DLGAP4: variants seen among roughly 807,000 people sequenced by gnomAD.
DLGAP4 encodes disks large-associated protein 4.
DLGAP4 carries 18 observed loss-of-function variants against 86.9 expected under a neutral mutation model. That is an observed-to-expected ratio of 0.21 (90% CI 0.14 to 0.31). The LOEUF is 0.31. Ranked by LOEUF, DLGAP4 falls within the 10% of genes least tolerant of loss-of-function variation. The probability of loss-of-function intolerance (pLI) is 1.00; values close to 1 mark genes in which losing one functional copy is unlikely to be tolerated. For synonymous variants in DLGAP4, 548 were observed against 574.3 expected (o/e 0.95, Z 0.65); for missense variants, 1,085 against 1,362.6 (o/e 0.80, Z 3.21).
At chr20:36,453,686 A>G (rs1335711856) in intron 7 of DLGAP4, among the ~76,000 whole-genome samples, 2 of 151,894 alleles carry the variant, frequency 1.3e-5, no homozygotes, top group Admixed American at 1.3e-4. Context: ...TAATCCCAAC[A>G]CTTTGGGAAG....
At chr20:36,508,422 C>CTTTTTTTTTTTTTT (rs745815364) in intron 10 of DLGAP4, 12 of 94,468 alleles carry the variant, frequency 1.3e-4, no homozygotes, top group African/African-American at 4.7e-4. Context: ...TTTCAGGGTT[C>CTTTTTTTTTTTTTT]TTTTTTTTTT....
chr20:36,373,960 G>A (rs1170564997), intron 2 of DLGAP4, among the ~76,000 whole-genome samples: 3 of 150,160 alleles, frequency 2.0e-5, no homozygotes, highest in Non-Finnish European at 4.4e-5. Context: ...TCGCTTGAAT[G>A]CTGGAGGCAG....
intron 5 of DLGAP4, among the ~76,000 whole-genome samples, chr20:36,442,331 A>C (rs564916756): frequency 1.3e-5 from 2 of 152,238 alleles, no homozygotes; most frequent in East Asian, 3.9e-4. Flanking sequence ...AGTAGCTGGG[A>C]TTATAGGCAT....
At chr20:36,464,676 C>T (rs924561660) in intron 7 of DLGAP4, among the ~76,000 whole-genome samples, 3 of 151,924 alleles carry the variant, frequency 2.0e-5, no homozygotes, top group Non-Finnish European at 4.4e-5. Context: ...ATGGTGAAAC[C>T]CCGTCTCTAC....
At chr20:36,518,513 C>T (rs1255061915) in intron 10 of DLGAP4, among the ~76,000 whole-genome samples, 2 of 151,992 alleles carry the variant, frequency 1.3e-5, no homozygotes, top group Non-Finnish European at 2.9e-5. Context: ...AGCTTTGAAG[C>T]CGATGCATTT....
chr20:36,467,486 CA>C (rs1259486326), intron 7 of DLGAP4, among the ~76,000 whole-genome samples: 3 of 152,190 alleles, frequency 2.0e-5, no homozygotes, highest in East Asian at 3.8e-4. Context: ...AGCTGAAAAG[CA>C]GAGGCACTGG....
chr20:36,483,708 C>T (rs1400032523), intron 7 of DLGAP4, among the ~76,000 whole-genome samples: 5 of 152,150 alleles, frequency 3.3e-5, no homozygotes, highest in African/African-American at 1.2e-4. Context: ...TTCCGGTGTT[C>T]CTGGTGAGAG....
intron 11 of DLGAP4, among the ~76,000 whole-genome samples, chr20:36,524,701 G>A (rs1025801649): frequency 2.0e-5 from 3 of 152,010 alleles, no homozygotes; most frequent in East Asian, 1.9e-4. Context: ...TCCGGAGTTC[G>A]AGACCAGCCT....
chr20:36,502,447 C>T (rs186557354), intron 10 of DLGAP4, among the ~76,000 whole-genome samples: 2 of 152,120 alleles, frequency 1.3e-5, no homozygotes, highest in African/African-American at 2.4e-5. Context: ...ACTCCTGGGC[C>T]GAAGTAATCC....
intron 7 of DLGAP4, among the ~76,000 whole-genome samples, chr20:36,468,366 G>A (rs535012556): frequency 5.3e-5 from 8 of 152,346 alleles, no homozygotes; most frequent in East Asian, 1.9e-4. Flanking sequence ...GCCAAGTGAC[G>A]GAGGCTAGGA....
chr20:36,432,217 A>G lies in DLGAP4; in HGVS notation c.500A>G (p.Asn167Ser), dbSNP rs756476381. ...LEGTAGKVGG[N>S]GSKKGGMEDG... ...GGCACAGCGGGCAAGGTCGGTGGCA[A>G]TGGCAGCAAGAAGGGTGGCATGGAG... Residue 167 changes from asparagine to serine, a missense_variant, in exon 3 of 13, where the codon AAT becomes AGT. By Grantham distance (46) the Asn-to-Ser change is conservative. Around this residue, in one of 2 missense-constraint regions of DLGAP4, gnomAD observed 1,082 missense variants for 1,344.1 expected, o/e 0.81. Transcript: ENST00000339266. This position sits in a 1 kb window ranked among gnomAD's most constrained non-coding sequence, Gnocchi z 6.5. The G allele has an allele frequency of 6.2e-7, 1 of 1,614,078 alleles. No individual in the cohort carries two copies. The highest frequency in any genetic ancestry group is 8.5e-7 in the Non-Finnish European group (1 of 1,180,006).
rs140243609 is a variant in DLGAP4, at chr20:36,439,847, C to T, written c.1335C>T (p.Asn445=). 4.0e-5 allele frequency: 64 copies of T among 1,613,484 alleles called. No individual in the cohort carries two copies. Among genetic ancestry groups the T allele is most frequent in the Admixed American group, 2.3e-4 (14 of 60,022 alleles). ...EDYTPVSDSL[N]DSSCISQIFG... Reference sequence around the variant, plus strand: ...ACACCCCCGTCAGCGACAGCCTCAACGACTCCAGCTGCATCAGCCAGGTGA... The same window carrying T: ...ACACCCCCGTCAGCGACAGCCTCAATGACTCCAGCTGCATCAGCCAGGTGA... Residue 445 remains asparagine (N), a synonymous_variant, in exon 5 of 13, where the codon AAC becomes AAT. Transcript: ENST00000339266.
intron 1 of DLGAP4, among the ~76,000 whole-genome samples, chr20:36,353,842 G>T (rs573375456): frequency 1.3e-5 from 2 of 152,372 alleles, no homozygotes; most frequent in South Asian, 4.1e-4. Flanking sequence ...TATAGATCCA[G>T]TTCTGTACAG....
chr20:36,331,102 C>T (rs1010325493), intron 1 of DLGAP4, among the ~76,000 whole-genome samples: 43 of 152,306 alleles, frequency 2.8e-4, no homozygotes, highest in Middle Eastern at 3.4e-3. Context: ...TGGGGGGAGG[C>T]CACCCCATTT....
At chr20:36,439,623 G>C in intron 4 of DLGAP4, 131 bp from the exon 5 acceptor site, 1 of 725,776 alleles carries the variant, frequency 1.4e-6, no homozygotes, top group Non-Finnish European at 2.4e-6. Context: ...ATACAAGCTG[G>C]TGCTGCCACC....
intron 10 of DLGAP4, among the ~76,000 whole-genome samples, chr20:36,521,691 C>T (rs564608164): frequency 6.6e-6 from 1 of 152,280 alleles, no homozygotes; most frequent in East Asian, 1.9e-4. Flanking sequence ...GGCCTTGTTT[C>T]TATGATGGCC....
chr20:36,462,255 C>G, intron 7 of DLGAP4: 1 of 1,253,276 alleles, frequency 8.0e-7, no homozygotes, highest in Non-Finnish European at 1.0e-6. Flanking sequence ...TCTGCTTTCC[C>G]CTGGTTTGTC....
At chr20:36,444,409 G>C (rs991548238) in intron 6 of DLGAP4, among the ~76,000 whole-genome samples, 6 of 151,700 alleles carry the variant, frequency 4.0e-5, no homozygotes, top group Admixed American at 1.3e-4. Flanking sequence ...TCAACCTCCC[G>C]AGTAGCTGGG....
chr20:36,421,327 G>A (rs956964145), intron 2 of DLGAP4, among the ~76,000 whole-genome samples: 9 of 151,640 alleles, frequency 5.9e-5, no homozygotes, highest in Non-Finnish European at 7.4e-5. Context: ...GCGTGGTGAC[G>A]TGTGCCTTTA....
Sources: gnomAD v4.1 joint callset for allele counts (sites outside exome capture counted in the v4.1 genomes callset) on GRCh38, gnomAD v4.1.1 for gene constraint, gnomAD v4.1.1 regional missense constraint, Gnocchi (gnomAD v3.1) non-coding constraint, MANE v1.5 for transcripts, NCBI Gene and HGNC (gene_info 2026-07-23, HGNC 2026-07-21) for gene names.